The following BNIP1 variants were observed in gnomAD, a reference collection of about 807,000 sequenced individuals.
BNIP1 encodes the protein BCL2 interacting protein 1, also known as vesicle transport protein SEC20.
BNIP1 carries 25 observed loss-of-function variants against 28.5 expected under a neutral mutation model. The observed-to-expected ratio is 0.88, with a 90% CI of 0.64 to 1.23. The LOEUF (loss-of-function observed/expected upper bound fraction) is 1.23. Ranked by LOEUF, BNIP1 falls within the 50% of genes most tolerant of loss-of-function variation. The pLI is 0.00. For synonymous variants in BNIP1, 118 were observed against 101.7 expected, an observed-to-expected ratio of 1.16 and a Z score of -0.96; for missense variants, 276 against 277.0, an observed-to-expected ratio of 1.00 and a Z score of 0.02.
At position 173,163,868 on chromosome 5, in the gene BNIP1, T is replaced by C. The variant is rs2113865756; in HGVS notation, c.634T>C (p.Phe212Leu). The C allele has an allele frequency of 6.2e-7, 1 of 1,613,848 alleles. No individual in the cohort carries two copies. The highest frequency in any genetic ancestry group is 8.5e-7 in the Non-Finnish European group (1 of 1,179,880). The change falls in exon 6 of 6, where the codon TTT becomes CTT. Residue 212 changes from phenylalanine to leucine, a missense_variant. By Grantham distance (22) the Phe-to-Leu change is conservative (BLOSUM62 0). Transcript: ENST00000351486. ...KLLIFLALAL[F>L]LATVLYIVKK... ...TCTCATCTTCCTTGCGCTAGCCCTGTTTCTTGCTACGGTCCTCTATATTGT... is the reference window on the plus strand; with the variant it reads ...TCTCATCTTCCTTGCGCTAGCCCTGCTTCTTGCTACGGTCCTCTATATTGT...
intron 3 of BNIP1, among the ~76,000 whole-genome samples, chr5:173,156,895 G>A (rs1050718881): frequency 4.6e-5 from 7 of 151,334 alleles, no homozygotes; most frequent in Non-Finnish European, 1.0e-4. Context: ...ATGATCCGCC[G>A]GTCTCAGCCT....
intron 3 of BNIP1, among the ~76,000 whole-genome samples, chr5:173,158,011 C>T (rs536695560): frequency 1.8e-4 from 28 of 151,630 alleles, no homozygotes; most frequent in African/African-American, 6.1e-4. Context: ...ACTGCAACCT[C>T]CACTTCCCAG....
chr5:173,144,937 C>T (rs1024642197), intron 1 of BNIP1: 3 of 293,202 alleles, frequency 1.0e-5, no homozygotes, highest in Non-Finnish European at 1.9e-5. Context: ...CGTCGCCCCG[C>T]CCCTGACTAC....
chr5:173,151,114 C>T (rs1417187239), intron 2 of BNIP1, among the ~76,000 whole-genome samples: 2 of 152,268 alleles, frequency 1.3e-5, no homozygotes, highest in East Asian at 1.9e-4. Context: ...GGATTACAGG[C>T]GTGAGCCACC....
At chr5:173,158,649 T>TC (rs1760274448) in intron 3 of BNIP1, 95 bp from the exon 4 acceptor site, 1 of 942,732 alleles carries the variant, frequency 1.1e-6, no homozygotes, top group Non-Finnish European at 1.6e-6. Context: ...GGTGGCCTTC[T>TC]CCCGTGTGCC....
intron 4 of BNIP1, 92 bp from the exon 5 acceptor site, chr5:173,159,841 G>A: frequency 1.9e-6 from 2 of 1,070,730 alleles, no homozygotes; most frequent in South Asian, 2.7e-5. Context: ...TAATTGGATA[G>A]GTAAAACATG....
Position 173,146,322 on chromosome 5 carries a change from C to T in BNIP1, c.85-544C>T, listed in dbSNP as rs5745112. Among the ~76,000 whole-genome samples, 407 of 152,316 alleles carry T rather than the reference C, an allele frequency of 2.7e-3. 2 individuals carry two copies. Among genetic ancestry groups the T allele is most frequent in the African/African-American group, 9.1e-3 (379 of 41,580 alleles). On this transcript the variant is annotated intron_variant, in intron 1 of 5. Transcript: ENST00000351486. ...CACCTGGTCTGTCTCCAGAGCCTGC[C>T]GTGAAAGCTGGCACCAGTAATTCTG...
chr5:173,162,819 C>A (rs1031365004), intron 5 of BNIP1, among the ~76,000 whole-genome samples: 2 of 152,134 alleles, frequency 1.3e-5, no homozygotes, highest in Non-Finnish European at 2.9e-5. Flanking sequence ...CTCCAGCTGA[C>A]CCCTACCTGC....
intron 5 of BNIP1, chr5:173,160,805 A>C (rs186461705): frequency 4.4e-6 from 2 of 456,144 alleles, no homozygotes; most frequent in Non-Finnish European, 8.8e-6. Context: ...ATACTCCCCA[A>C]CGTTATTTTT....
intron 2 of BNIP1, among the ~76,000 whole-genome samples, chr5:173,150,869 GCT>G (rs1759997388): frequency 1.3e-5 from 2 of 151,444 alleles, no homozygotes; most frequent in Non-Finnish European, 2.9e-5. Context: ...ACGGAGTCTG[GCT>G]CTGTTTCCCA....
At chr5:173,147,538 C>G (rs1037669830) in intron 2 of BNIP1, among the ~76,000 whole-genome samples, 1 of 151,968 alleles carries the variant, frequency 6.6e-6, no homozygotes, top group African/African-American at 2.4e-5. Flanking sequence ...CTCTGCCATT[C>G]TTTCTACCCT....
In BNIP1 at chr5:173,144,568, A is replaced by C; in HGVS notation, c.23A>C (p.His8Pro). 6.2e-7 allele frequency: 1 copy of C among 1,614,178 alleles called. No homozygotes were observed. Among genetic ancestry groups the C allele is most frequent in the South Asian group, 1.1e-5 (1 of 91,082 alleles). The change falls in exon 1 of 6, where the codon CAC (histidine) becomes CCC (proline). Residue 8 changes from histidine (H) to proline (P), a missense_variant. By Grantham distance (77) the His-to-Pro change is moderately conservative (BLOSUM62 -2). Transcript: ENST00000351486. MAAPQDV[H>P]VRICNQEIVK... ...AACATGGCGGCTCCCCAAGACGTCC[A>C]CGTCCGGATCTGTAACCAAGAGATT...
Position 173,163,958 on chromosome 5 carries a change from T to C in BNIP1, c.*37T>C. On this transcript the variant is annotated 3_prime_UTR_variant, in exon 6 of 6. Coordinates refer to ENST00000351486, the MANE Select transcript of BNIP1 (RefSeq NM_001205.3). ...TGCCAGTTCTGGCCCTTTCAGCTCC[T>C]GTTTCAGGATCTGTCCTGGTTCCTG... The C allele has an allele frequency of 6.5e-7, 1 of 1,548,922 alleles. No homozygotes were observed. Among genetic ancestry groups the C allele is most frequent in the Non-Finnish European group, 8.7e-7 (1 of 1,145,248 alleles).
chr5:173,156,196 C>G (rs1561597237), intron 3 of BNIP1, among the ~76,000 whole-genome samples: 2 of 152,124 alleles, frequency 1.3e-5, no homozygotes, highest in Non-Finnish European at 2.9e-5. Context: ...TCCTGAGCCA[C>G]CAAGCCTACT....
At chr5:173,155,439 G>A (rs575587238) in intron 3 of BNIP1, among the ~76,000 whole-genome samples, 80 of 152,242 alleles carry the variant, frequency 5.3e-4, no homozygotes, top group African/African-American at 1.9e-3. Flanking sequence ...GGCGGCTCAC[G>A]CCTGGAATCC....
At chr5:173,155,419 G>C (rs1760156610) in intron 3 of BNIP1, among the ~76,000 whole-genome samples, 1 of 152,076 alleles carries the variant, frequency 6.6e-6, no homozygotes, top group African/African-American at 2.4e-5. Flanking sequence ...ATACATTTTT[G>C]GCCCAGTGCG....
chr5:173,155,226 A>G (rs1760151100), intron 3 of BNIP1, among the ~76,000 whole-genome samples: 1 of 152,256 alleles, frequency 6.6e-6, no homozygotes, highest in South Asian at 2.1e-4. Context: ...ATCCTTGATT[A>G]TATAGTTACA....
chr5:173,148,492 A>G, intron 2 of BNIP1, among the ~76,000 whole-genome samples: 1 of 152,030 alleles, frequency 6.6e-6, no homozygotes, highest in African/African-American at 2.4e-5. Flanking sequence ...GTGAATAGGG[A>G]TGGCACAGGC....
chr5:173,145,341 T>G (rs1446785532), intron 1 of BNIP1, among the ~76,000 whole-genome samples: 1 of 152,142 alleles, frequency 6.6e-6, no homozygotes, highest in Non-Finnish European at 1.5e-5. Context: ...GAATTGGGAG[T>G]GTAGACACGG....
Sources: allele counts gnomAD v4.1 joint callset (sites outside exome capture counted in the v4.1 genomes callset), GRCh38; gene constraint gnomAD v4.1.1; transcripts MANE v1.5; gene names NCBI Gene and HGNC (gene_info 2026-07-23, HGNC 2026-07-21).